Variants in TMEFF1 observed in about 807,000 individuals in gnomAD.
TMEFF1 encodes tomoregulin-1.
TMEFF1 carries 20 observed loss-of-function variants against 47.5 expected under a neutral mutation model. The observed-to-expected ratio is 0.42, with a 90% CI of 0.30 to 0.61. The LOEUF (loss-of-function observed/expected upper bound fraction) is 0.61. Among genes scored for constraint, TMEFF1 ranks in the 20% least tolerant of loss-of-function variants. The pLI, the probability that TMEFF1 is intolerant of heterozygous loss-of-function variation, is 0.19. For synonymous variants in TMEFF1, 162 were observed against 166.3 expected (o/e 0.97, Z 0.20); for missense variants, 411 against 471.1 (o/e 0.87, Z 1.18).
At position 100,473,596 on chromosome 9, in the gene TMEFF1, C is replaced by T; in HGVS notation, c.52C>T (p.Leu18Phe). Residue 18 changes from leucine (L) to phenylalanine (F), a missense_variant, in exon 1 of 10, where the codon CTC becomes TTC. Physicochemically the swap from Leu to Phe is conservative, Grantham distance 22. Coordinates refer to ENST00000374879, the MANE Select transcript of TMEFF1 (RefSeq NM_003692.5). This position sits in a 1 kb window ranked among gnomAD's most constrained non-coding sequence, Gnocchi z 5.4. Reference sequence around the variant, plus strand: ...GCTCCGGCTGCCTGCCGCGCCTCCGCTCGCCTTCTGCTGCTACACGTCGGT... The same window carrying T: ...GCTCCGGCTGCCTGCCGCGCCTCCGTTCGCCTTCTGCTGCTACACGTCGGT... ...APLRLPAAPPLAFCCYTSVLL... is the reference protein window; with the variant it reads ...APLRLPAAPPFAFCCYTSVLL... The T allele has an allele frequency of 6.4e-7, 1 of 1,553,474 alleles. No individual in the cohort carries two copies. Among genetic ancestry groups the T allele is most frequent in the Non-Finnish European group, 8.7e-7 (1 of 1,151,120 alleles).
At chr9:100,533,594 C>T (rs972688724) in intron 5 of TMEFF1, among the ~76,000 whole-genome samples, 2 of 151,942 alleles carry the variant, frequency 1.3e-5, no homozygotes, top group Non-Finnish European at 2.9e-5. Context: ...TTACTAACCT[C>T]TGTTGTAACT....
At chr9:100,488,374 C>T (rs975326833) in intron 1 of TMEFF1, among the ~76,000 whole-genome samples, 5 of 152,046 alleles carry the variant, frequency 3.3e-5, no homozygotes, top group African/African-American at 4.8e-5. Context: ...AAAGTGCTGA[C>T]GTTAACAATC....
At chr9:100,488,981 A>G (rs1033291559) in intron 1 of TMEFF1, among the ~76,000 whole-genome samples, 2 of 152,140 alleles carry the variant, frequency 1.3e-5, no homozygotes, top group Non-Finnish European at 2.9e-5. Flanking sequence ...TACATTTACT[A>G]TATTGTGCAG....
In TMEFF1 at chr9:100,540,625, C is replaced by T. The variant is rs886847274; in HGVS notation, c.561-7119C>T. On this transcript the variant is annotated intron_variant, in intron 5 of 9. Coordinates refer to ENST00000374879, the MANE Select transcript of TMEFF1 (RefSeq NM_003692.5). ...CCTCAAGCAGGGCCAGAGCGGATGT[C>T]GAGGCCAAGGAGGTGCTGAGAGCGG... Among the ~76,000 whole-genome samples, 26 of 152,212 alleles carry T rather than the reference C, an allele frequency of 1.7e-4. No homozygotes were observed. The East Asian group carries it at 2.1e-3, about 12-fold the overall frequency.
chr9:100,499,508 A>T (rs936408207), intron 2 of TMEFF1, among the ~76,000 whole-genome samples: 5 of 152,248 alleles, frequency 3.3e-5, no homozygotes, highest in Admixed American at 3.3e-4. Context: ...ATGGTCTCTG[A>T]TGGTTGATTT....
chr9:100,554,905 C>T (rs1269452930), intron 7 of TMEFF1, among the ~76,000 whole-genome samples: 1 of 152,060 alleles, frequency 6.6e-6, no homozygotes, highest in Non-Finnish European at 1.5e-5. Flanking sequence ...CTTCCAGATA[C>T]ATGTCTCCAT....
intron 5 of TMEFF1, among the ~76,000 whole-genome samples, chr9:100,525,171 C>T (rs1838233119): frequency 6.6e-6 from 1 of 152,170 alleles, no homozygotes; most frequent in African/African-American, 2.4e-5. Context: ...TTTCCAACAA[C>T]AATCGATTTT....
At chr9:100,506,766 C>CAAAAAAAA (rs58345253) in intron 2 of TMEFF1, among the ~76,000 whole-genome samples, 2 of 43,408 alleles carry the variant, frequency 4.6e-5, no homozygotes, top group East Asian at 5.9e-4. Flanking sequence ...GACTCCATCT[C>CAAAAAAAA]AAAAAAAAAA....
chr9:100,492,105 T>C (rs1292485271), intron 1 of TMEFF1, among the ~76,000 whole-genome samples: 3 of 152,154 alleles, frequency 2.0e-5, no homozygotes, highest in African/African-American at 7.2e-5. Context: ...AGGCTGGTCT[T>C]GAACTCTTGA....
chr9:100,577,426 C>T lies in TMEFF1; in HGVS notation c.*826C>T, dbSNP rs191917662. 4.6e-5 allele frequency: 7 copies of T among 152,572 alleles called. No homozygotes were observed. The East Asian group carries it at 7.7e-4, about 17-fold the overall frequency. The allele number at this position is 152,572 out of a possible 1,614,324, so 9.5% of individuals were successfully genotyped here. ...AAGTGAGCTTAAAATTTATCCAAGA[C>T]GTATATCCAAATTTGTCCTGTAGTA... On this transcript the variant is annotated 3_prime_UTR_variant, in exon 10 of 10. Transcript: ENST00000374879.
At chr9:100,522,563 A>G (rs1190213461) in intron 5 of TMEFF1, among the ~76,000 whole-genome samples, 1 of 149,192 alleles carries the variant, frequency 6.7e-6, no homozygotes, top group African/African-American at 2.5e-5. Context: ...CAGCCTCCCA[A>G]GGAGCTGGGA....
Position 100,473,775 on chromosome 9 carries a change from A to G in TMEFF1, c.196+35A>G. 1 of 1,433,732 alleles carries G rather than the reference A, an allele frequency of 7.0e-7. No homozygotes were observed. The highest frequency in any genetic ancestry group is 9.2e-7 in the Non-Finnish European group (1 of 1,083,796). The allele number at this position is 1,433,732 out of a possible 1,614,324, so 88.8% of individuals were successfully genotyped here. A position where few individuals can be genotyped will look rare whatever the true frequency, so the allele number is the denominator to read the frequency against. ...GTCGGAGCCGGCCCTAGGTCTTCCCACCCCTCCGTTGCCGCCTCCCTCGTG... is the reference window on the plus strand; with the variant it reads ...GTCGGAGCCGGCCCTAGGTCTTCCCGCCCCTCCGTTGCCGCCTCCCTCGTG... On this transcript the variant is annotated intron_variant, in intron 1 of 9. Coordinates refer to ENST00000374879, the MANE Select transcript of TMEFF1 (RefSeq NM_003692.5). The surrounding 1 kb of genome is among the most constrained non-coding windows in gnomAD (Gnocchi z 5.4).
At chr9:100,496,262 G>T (rs969730171) in intron 1 of TMEFF1, among the ~76,000 whole-genome samples, 1 of 152,036 alleles carries the variant, frequency 6.6e-6, no homozygotes, top group Admixed American at 6.6e-5. Context: ...TTTTTTTTGA[G>T]ACAGAGTCTT....
chr9:100,525,531 C>T (rs923216035), intron 5 of TMEFF1, among the ~76,000 whole-genome samples: 3 of 152,128 alleles, frequency 2.0e-5, no homozygotes, highest in Admixed American at 1.3e-4. Context: ...AGTGCACCAC[C>T]GAGATGTGCT....
At chr9:100,563,659 G>A (rs571910809) in intron 8 of TMEFF1, among the ~76,000 whole-genome samples, 5 of 152,270 alleles carry the variant, frequency 3.3e-5, no homozygotes, top group Admixed American at 2.0e-4. Flanking sequence ...CTGATACCTG[G>A]TATGTAGTAT....
At chr9:100,518,991 C>T (rs2118396754) in intron 5 of TMEFF1, among the ~76,000 whole-genome samples, 1 of 152,238 alleles carries the variant, frequency 6.6e-6, no homozygotes, top group African/African-American at 2.4e-5. Context: ...TAAGATGTTA[C>T]ATAATTTCCT....
At chr9:100,504,921 A>G (rs1564012410) in intron 2 of TMEFF1, among the ~76,000 whole-genome samples, 1 of 152,252 alleles carries the variant, frequency 6.6e-6, no homozygotes, top group Non-Finnish European at 1.5e-5. Flanking sequence ...CCTTAGAAGA[A>G]ATTCACGGAT....
At chr9:100,519,647 CTTTTTTTTTTTTTTTTT>C (rs60569330) in intron 5 of TMEFF1, among the ~76,000 whole-genome samples, 3 of 65,168 alleles carry the variant, frequency 4.6e-5, no homozygotes, top group Non-Finnish European at 8.2e-5. Context: ...TGCCCAGTGA[CTTTTTTTTTTTTTTTTT>C]TTTTTTTTTT....
intron 1 of TMEFF1, among the ~76,000 whole-genome samples, chr9:100,495,535 T>C (rs900430509): frequency 1.2e-4 from 18 of 152,290 alleles, no homozygotes; most frequent in Middle Eastern, 3.4e-3. Context: ...GTTGCATATA[T>C]TAGCAAGATC....
Sources: gnomAD v4.1 joint callset for allele counts (sites outside exome capture counted in the v4.1 genomes callset) on GRCh38, gnomAD v4.1.1 for gene constraint, Gnocchi (gnomAD v3.1) non-coding constraint, MANE v1.5 for transcripts, NCBI Gene and HGNC (gene_info 2026-07-23, HGNC 2026-07-21) for gene names.